SLC24A4: variants seen among roughly 807,000 people sequenced by gnomAD.
SLC24A4 encodes the protein sodium/potassium/calcium exchanger 4.
Under a neutral mutation model 79.0 loss-of-function variants are expected in SLC24A4, and 53 were observed. The ratio of observed to expected loss-of-function variants is 0.67; its 90% CI spans 0.54 to 0.84. SLC24A4 has a LOEUF of 0.84. SLC24A4 is among the 40% of genes least tolerant of loss of function. The probability of loss-of-function intolerance (pLI) is 0.00; values close to 1 mark genes in which losing one functional copy is unlikely to be tolerated. For synonymous variants in SLC24A4, 323 were observed against 323.8 expected, an observed-to-expected ratio of 1.00 and a Z score of 0.03; for missense variants, 731 against 822.0, an observed-to-expected ratio of 0.89 and a Z score of 1.35.
chr14:92,501,391 C>T lies in SLC24A4; in HGVS notation c.*7763C>T, dbSNP rs2139971792. ...TGTGAAGAAAAAAATCTACAGCAAT[C>T]TAAACTAAACCTTTCTAAGAAATCT... On this transcript the variant is annotated 3_prime_UTR_variant, in exon 17 of 17. Transcript: ENST00000532405. 6.6e-6 allele frequency: 1 copy of T among 152,274 alleles called. No homozygotes were observed. The highest frequency in any genetic ancestry group is 6.5e-5 in the Admixed American group (1 of 15,300). The allele number at this position is 152,274 out of a possible 1,614,324, so 9.4% of individuals were successfully genotyped here.
chr14:92,342,363 C>CATTAATTT (rs377654077), intron 2 of SLC24A4, among the ~76,000 whole-genome samples: 55 of 137,926 alleles, frequency 4.0e-4, no homozygotes, highest in African/African-American at 1.4e-3. Context: ...TTTTTTTCCC[C>CATTAATTT]ATTTATTTAT....
chr14:92,340,798 C>T (rs1886098865), intron 2 of SLC24A4, among the ~76,000 whole-genome samples: 1 of 152,144 alleles, frequency 6.6e-6, no homozygotes, highest in African/African-American at 2.4e-5. Flanking sequence ...CATGTCAGGA[C>T]ACCCAGTTTA....
In SLC24A4 at chr14:92,353,678, G is replaced by C. The variant is rs1887009433; in HGVS notation, c.241+27700G>C. ...TTAGAGTCATTTGTGTTCCCTTTCT[G>C]CTTGCTCTTCGTGTCCTTTTCTGTG... On this transcript the variant is annotated intron_variant, in intron 2 of 16. Transcript: ENST00000532405. This position sits in a 1 kb window ranked among gnomAD's most constrained non-coding sequence, Gnocchi z 4.1. 6.6e-6 allele frequency among the ~76,000 whole-genome samples: 1 copy of C among 152,144 alleles called. No homozygotes were observed. Among genetic ancestry groups the C allele is most frequent in the Admixed American group, 6.5e-5 (1 of 15,276 alleles).
rs1169890994 is a variant in SLC24A4 at position 92,443,447 on chromosome 14, C to T, written c.630C>T (p.Tyr210=). The change falls in exon 7 of 17, where the codon TAC becomes TAT. Residue 210 remains tyrosine, a synonymous_variant. Coordinates refer to ENST00000532405, the MANE Select transcript of SLC24A4 (RefSeq NM_153646.4). ...WWAVCRDSVY[Y]TISVIVLIVF... ...CCGTGTGCCGAGACTCCGTGTACTA[C>T]ACCATCTCTGTCATCGTGCTCATCG... 1 of 1,614,204 alleles carries T rather than the reference C, an allele frequency of 6.2e-7. No individual in the cohort carries two copies. The highest frequency in any genetic ancestry group is 8.5e-7 in the Non-Finnish European group (1 of 1,180,042).
At chr14:92,407,262 A>G (rs759699814) in intron 2 of SLC24A4, among the ~76,000 whole-genome samples, 5 of 152,234 alleles carry the variant, frequency 3.3e-5, no homozygotes, top group Non-Finnish European at 5.9e-5. Flanking sequence ...TTCATTGTGC[A>G]TGTCACTGTC....
chr14:92,477,399 T>C (rs1373956077), intron 12 of SLC24A4, among the ~76,000 whole-genome samples: 4 of 152,228 alleles, frequency 2.6e-5, no homozygotes, highest in Non-Finnish European at 5.9e-5. Flanking sequence ...ATTTGCAAAA[T>C]GATTTTTTTC....
chr14:92,449,317 CACA>C (rs1893006071), intron 10 of SLC24A4, 101 bp downstream of exon 10: 6 of 1,319,070 alleles, frequency 4.5e-6, no homozygotes, highest in Non-Finnish European at 5.2e-6. Flanking sequence ...CACACACACA[CACA>C]CACCCTCTCA....
At chr14:92,474,825 A>ATGTGTGTGTGTGTGTGTGTG (rs762949686) in intron 12 of SLC24A4, among the ~76,000 whole-genome samples, 2 of 31,800 alleles carry the variant, frequency 6.3e-5, no homozygotes, top group African/African-American at 1.8e-4. Context: ...ATATATACAT[A>ATGTGTGTGTGTGTGTGTGTG]TATATGTGTG....
chr14:92,347,061 CT>C (rs1886577951), intron 2 of SLC24A4, among the ~76,000 whole-genome samples: 1 of 151,982 alleles, frequency 6.6e-6, no homozygotes, highest in Non-Finnish European at 1.5e-5. Context: ...TATCTTTAAC[CT>C]TCTAAAAAAG....
At chr14:92,439,525 A>C in intron 4 of SLC24A4, 116 bp downstream of exon 4, 1 of 935,322 alleles carries the variant, frequency 1.1e-6, no homozygotes, top group Non-Finnish European at 1.7e-6. Context: ...AAAGACTGTC[A>C]CACCGAGCAC....
At chr14:92,384,265 T>G (rs1889022021) in intron 2 of SLC24A4, among the ~76,000 whole-genome samples, 1 of 152,204 alleles carries the variant, frequency 6.6e-6, no homozygotes, top group South Asian at 2.1e-4. Flanking sequence ...TTAGCCTCTC[T>G]TCTGTAATTA....
rs4904944 is a variant in SLC24A4 at position 92,500,634 on chromosome 14, G to C, written c.*7006G>C. On this transcript the variant is annotated 3_prime_UTR_variant, in exon 17 of 17. Transcript: ENST00000532405. ...CCTTGAGCTTCCCGCACGAGGCTTG[G>C]ACCTGGGGGACCTGGAGACCCTGCG... The C allele has an allele frequency of 0.26, 40,014 of 152,390 alleles. 6,365 individuals carry two copies. Among genetic ancestry groups the C allele is most frequent in the Non-Finnish European group, 0.35 (24,163 of 68,162 alleles). 9.4% of individuals were successfully genotyped at this position (152,390 alleles called of 1,614,324 possible).
At chr14:92,374,774 G>A (rs541683785) in intron 2 of SLC24A4, among the ~76,000 whole-genome samples, 298 of 152,162 alleles carry the variant, frequency 2.0e-3, no homozygotes, top group Non-Finnish European at 3.7e-3. Flanking sequence ...TAAAGTTAGG[G>A]GACCTTTAAA....
chr14:92,461,184 CCCG>C (rs1893786153), intron 12 of SLC24A4, among the ~76,000 whole-genome samples: 1 of 152,172 alleles, frequency 6.6e-6, no homozygotes, highest in Non-Finnish European at 1.5e-5. Flanking sequence ...TGCTCCCTGG[CCCG>C]CCAACAGGAC....
intron 10 of SLC24A4, 117 bp downstream of exon 10, chr14:92,449,333 A>T: frequency 1.6e-6 from 2 of 1,275,388 alleles, no homozygotes; most frequent in Non-Finnish European, 2.2e-6. Flanking sequence ...CCCTCTCACA[A>T]TGTCCCCCCT....
intron 2 of SLC24A4, among the ~76,000 whole-genome samples, chr14:92,407,856 A>ATT (rs937791162): frequency 4.1e-5 from 5 of 123,432 alleles, no homozygotes; most frequent in Non-Finnish European, 3.4e-5. Flanking sequence ...ACAGAGTGAT[A>ATT]TTGTGTGTGT....
At chr14:92,349,432 T>C (rs1337427155) in intron 2 of SLC24A4, among the ~76,000 whole-genome samples, 1 of 152,242 alleles carries the variant, frequency 6.6e-6, no homozygotes, top group East Asian at 1.9e-4. Flanking sequence ...AGTGCTGGGA[T>C]TACAGGCGTG....
At chr14:92,337,624 C>T (rs1885887538) in intron 2 of SLC24A4, among the ~76,000 whole-genome samples, 1 of 152,210 alleles carries the variant, frequency 6.6e-6, no homozygotes, top group South Asian at 2.1e-4. Flanking sequence ...TGGCCTTGAA[C>T]TAGTGATCTT....
At chr14:92,329,456 A>T (rs1885344004) in intron 2 of SLC24A4, among the ~76,000 whole-genome samples, 1 of 152,178 alleles carries the variant, frequency 6.6e-6, no homozygotes, top group Non-Finnish European at 1.5e-5. Context: ...TGATCTCATT[A>T]TCTGAGTTTC....
Sources: gnomAD v4.1 joint callset for allele counts (sites outside exome capture counted in the v4.1 genomes callset) on GRCh38, gnomAD v4.1.1 for gene constraint, Gnocchi (gnomAD v3.1) non-coding constraint, MANE v1.5 for transcripts, NCBI Gene and HGNC (gene_info 2026-07-23, HGNC 2026-07-21) for gene names.